The following PDE4D variants were observed in gnomAD, a reference collection of about 807,000 sequenced individuals.
PDE4D encodes the protein 3',5'-cyclic-AMP phosphodiesterase 4D.
Under a neutral mutation model 87.4 loss-of-function variants are expected in PDE4D, and 24 were observed. The observed-to-expected ratio is 0.27, with a 90% CI of 0.20 to 0.39. PDE4D has a LOEUF of 0.39. PDE4D is among the 10% of genes least tolerant of loss of function. PDE4D has a pLI of 1.00. For missense variants in PDE4D, 714 were observed against 1,041.0 expected (o/e 0.69, Z 4.32); for synonymous variants, 384 against 383.2 (o/e 1.00, Z -0.02).
chr5:59,984,589 A>T (rs1762227307), intron 3 of PDE4D, among the ~76,000 whole-genome samples: 1 of 152,240 alleles, frequency 6.6e-6, no homozygotes, highest in Admixed American at 6.5e-5. Flanking sequence ...TGGGAAAAAA[A>T]GTCAAAGTAG....
intron 1 of PDE4D, among the ~76,000 whole-genome samples, chr5:59,402,365 G>C (rs1008446345): frequency 6.6e-6 from 1 of 152,150 alleles, no homozygotes; most frequent in Non-Finnish European, 1.5e-5. Context: ...AACAGCACAA[G>C]CTGTCCCTGA....
intron 1 of PDE4D, among the ~76,000 whole-genome samples, chr5:59,260,932 T>G (rs1449147763): frequency 1.0e-5 from 1 of 100,494 alleles, no homozygotes; most frequent in South Asian, 3.6e-4. Context: ...TCCCACAATA[T>G]ACACCAAAAA....
intron 5 of PDE4D, among the ~76,000 whole-genome samples, chr5:59,179,022 A>G (rs75444210): frequency 5.9e-5 from 9 of 152,246 alleles, no homozygotes; most frequent in African/African-American, 2.2e-4. Context: ...GTTTAGACTC[A>G]TTTATGTTGA....
At chr5:60,498,816 C>G (rs939029206) in intron 1 of PDE4D, among the ~76,000 whole-genome samples, 4 of 152,166 alleles carry the variant, frequency 2.6e-5, no homozygotes, top group Non-Finnish European at 5.9e-5. Context: ...TCCTATCCTC[C>G]TATAAGGGCT....
intron 1 of PDE4D, among the ~76,000 whole-genome samples, chr5:60,456,853 T>C (rs1292803851): frequency 6.6e-6 from 1 of 152,134 alleles, no homozygotes; most frequent in Non-Finnish European, 1.5e-5. Context: ...AAGATCCACT[T>C]TCCCAAAACA....
intron 1 of PDE4D, among the ~76,000 whole-genome samples, chr5:60,194,648 G>A (rs1740991288): frequency 1.3e-5 from 2 of 151,440 alleles, no homozygotes; most frequent in South Asian, 2.1e-4. Flanking sequence ...TGGCACTTGG[G>A]AGCCTCTGTT....
chr5:59,137,995 T>C (rs921990263), intron 5 of PDE4D, among the ~76,000 whole-genome samples: 4 of 152,248 alleles, frequency 2.6e-5, no homozygotes, highest in Non-Finnish European at 4.4e-5. Context: ...AGGTGCTGTG[T>C]TGTGAAAGGC....
At chr5:59,677,314 G>T (rs1257904124) in intron 1 of PDE4D, among the ~76,000 whole-genome samples, 1 of 152,080 alleles carries the variant, frequency 6.6e-6, no homozygotes, top group South Asian at 2.1e-4. Context: ...ATATATTAGT[G>T]ATCTGGACTC....
At chr5:59,317,385 A>G (rs181724172) in intron 1 of PDE4D, among the ~76,000 whole-genome samples, 1 of 152,198 alleles carries the variant, frequency 6.6e-6, no homozygotes, top group Non-Finnish European at 1.5e-5. Flanking sequence ...TCTTTATTAA[A>G]ATCAACTAAC....
intron 1 of PDE4D, among the ~76,000 whole-genome samples, chr5:59,771,523 A>AAAGAAAGAAAGAAAGG (rs1763556710): frequency 2.7e-5 from 4 of 146,666 alleles, no homozygotes; most frequent in Non-Finnish European, 5.9e-5. Context: ...AGAAAGAAAG[A>AAAGAAAGAAAGAAAGG]AAGAAAGAAA....
chr5:59,167,327 T>C (rs534251772), intron 5 of PDE4D, among the ~76,000 whole-genome samples: 2 of 152,278 alleles, frequency 1.3e-5, no homozygotes, highest in Non-Finnish European at 1.5e-5. Context: ...TTTTTTTCTA[T>C]GGGAGGATAA....
chr5:59,296,929 G>A (rs1297761639), intron 1 of PDE4D, among the ~76,000 whole-genome samples: 1 of 152,128 alleles, frequency 6.6e-6, no homozygotes, highest in East Asian at 1.9e-4. Flanking sequence ...GTCATCCTGT[G>A]TCATTGTTAG....
intron 1 of PDE4D, among the ~76,000 whole-genome samples, chr5:60,296,020 A>G (rs1457906206): frequency 6.6e-6 from 1 of 152,202 alleles, no homozygotes; most frequent in Non-Finnish European, 1.5e-5. Context: ...GTGTCCTCAC[A>G]TGGTGGAAGA....
chr5:59,939,547 G>C (rs886220767), intron 3 of PDE4D, among the ~76,000 whole-genome samples: 1 of 152,178 alleles, frequency 6.6e-6, no homozygotes, highest in Non-Finnish European at 1.5e-5. Flanking sequence ...ATCTGACCTC[G>C]TGAGGAGGAC....
chr5:60,191,790 A>T (rs1785220002), intron 1 of PDE4D, among the ~76,000 whole-genome samples: 1 of 152,196 alleles, frequency 6.6e-6, no homozygotes, highest in Admixed American at 6.5e-5. Context: ...TGAGGTCAGG[A>T]GTGTGAGACC....
At chr5:60,192,782 T>C (rs1785299637) in intron 1 of PDE4D, among the ~76,000 whole-genome samples, 1 of 152,218 alleles carries the variant, frequency 6.6e-6, no homozygotes, top group Non-Finnish European at 1.5e-5. Context: ...CTCATTTCTA[T>C]GTTTCTTGGC....
At chr5:60,205,401 C>T (rs1227275581) in intron 1 of PDE4D, among the ~76,000 whole-genome samples, 1 of 152,142 alleles carries the variant, frequency 6.6e-6, no homozygotes, top group Non-Finnish European at 1.5e-5. Context: ...ACCAGTGGGA[C>T]CTGCCCCTAC....
intron 1 of PDE4D, among the ~76,000 whole-genome samples, chr5:59,516,874 T>C (rs1295417152): frequency 1.3e-5 from 2 of 152,104 alleles, no homozygotes; most frequent in African/African-American, 4.8e-5. Flanking sequence ...AAACTACATG[T>C]GATCACATAT....
intron 1 of PDE4D, among the ~76,000 whole-genome samples, chr5:59,265,480 C>G (rs1193073954): frequency 1.3e-5 from 2 of 151,846 alleles, no homozygotes; most frequent in Non-Finnish European, 2.9e-5. Context: ...GAAAAGAAAC[C>G]CTTACAAAAT....
Sources: allele counts gnomAD v4.1 joint callset (sites outside exome capture counted in the v4.1 genomes callset), GRCh38; gene constraint gnomAD v4.1.1; transcripts MANE v1.5; gene names NCBI Gene and HGNC (gene_info 2026-07-23, HGNC 2026-07-21).